TAOK1: variants seen among roughly 807,000 people sequenced by gnomAD.
TAOK1 encodes the protein TAO kinase 1.
TAOK1 carries 21 observed loss-of-function variants against 138.3 expected under a neutral mutation model. The observed-to-expected ratio is 0.15, with a 90% confidence interval of 0.11 to 0.22. The LOEUF (loss-of-function observed/expected upper bound fraction) is 0.22. Ranked by LOEUF, TAOK1 falls within the 10% of genes least tolerant of loss-of-function variation. The pLI, the probability that TAOK1 is intolerant of heterozygous loss-of-function variation, is 1.00. For synonymous variants in TAOK1, 361 were observed against 398.4 expected (o/e 0.91, Z 1.12); for missense variants, 651 against 1,227.7 (o/e 0.53, Z 7.02).
intron 1 of TAOK1, among the ~76,000 whole-genome samples, chr17:29,398,832 G>A (rs530670451): frequency 3.3e-5 from 5 of 151,706 alleles, no homozygotes; most frequent in East Asian, 3.9e-4. Flanking sequence ...CACCACACCC[G>A]TTAATGTGAA....
chr17:29,477,517 A>G (rs1363579021), intron 4 of TAOK1, 144 bp from the exon 5 acceptor site: 2 of 278,736 alleles, frequency 7.2e-6, no homozygotes, highest in Non-Finnish European at 1.3e-5. Context: ...TAATATCTAT[A>G]TAACTATTTT....
At chr17:29,429,164 A>G (rs756796274) in intron 1 of TAOK1, among the ~76,000 whole-genome samples, 2 of 152,146 alleles carry the variant, frequency 1.3e-5, no homozygotes, top group Non-Finnish European at 2.9e-5. Context: ...TGGATTAGAA[A>G]TCAGTTTCAG....
chr17:29,539,798 T>C (rs1269808098), intron 19 of TAOK1, among the ~76,000 whole-genome samples: 3 of 152,086 alleles, frequency 2.0e-5, no homozygotes, highest in Non-Finnish European at 4.4e-5. Flanking sequence ...GAGGATAGCC[T>C]GAGCCTGGGA....
chr17:29,445,515 A>G (rs899660928), intron 1 of TAOK1: 6 of 152,122 alleles, frequency 3.9e-5, no homozygotes, highest in African/African-American at 9.7e-5. Context: ...GTTCCTTTCT[A>G]TTCCTAGTTT....
rs190893367 is a variant in TAOK1 at position 29,456,625 on chromosome 17, A to G, written c.132+4945A>G. 9.7e-4 allele frequency among the ~76,000 whole-genome samples: 147 copies of G among 150,786 alleles called. 13 individuals carry two copies. The highest frequency in any genetic ancestry group is 3.4e-3 in the African/African-American group (136 of 40,096). ...ATACCCAGCCAGTAAGTGTAATGCA[A>G]ATATTCCAAAATGTGAAAAAATTTG... On this transcript the variant is annotated intron_variant, in intron 2 of 19. Transcript: ENST00000261716.
intron 1 of TAOK1, among the ~76,000 whole-genome samples, chr17:29,394,191 A>AGTCTTGC (rs1255158227): frequency 1.3e-5 from 1 of 78,674 alleles, no homozygotes; most frequent in Non-Finnish European, 2.3e-5. Context: ...TTTGAGACGG[A>AGTCTTGC]GTCTTGCTCT....
intron 14 of TAOK1, among the ~76,000 whole-genome samples, 172 bp downstream of exon 14, chr17:29,508,304 A>G (rs1416913163): frequency 6.6e-6 from 1 of 152,222 alleles, no homozygotes; most frequent in African/African-American, 2.4e-5. Flanking sequence ...ATATTACAAG[A>G]AAGGGTGGCA....
intron 13 of TAOK1, among the ~76,000 whole-genome samples, chr17:29,505,986 A>G (rs1471374801): frequency 6.6e-6 from 1 of 152,218 alleles, no homozygotes; most frequent in African/African-American, 2.4e-5. Flanking sequence ...AGTATTGGCA[A>G]AAAGGGGAAC....
chr17:29,486,751 T>G (rs2031181644), intron 8 of TAOK1, among the ~76,000 whole-genome samples: 1 of 152,246 alleles, frequency 6.6e-6, no homozygotes, highest in African/African-American at 2.4e-5. Context: ...AGATTTTTAA[T>G]TTAATAGTGA....
At position 29,549,531 on chromosome 17, in the gene TAOK1, T is replaced by C. The variant is rs978245810; in HGVS notation, c.*6509T>C. The C allele has an allele frequency of 6.6e-6, 1 of 152,218 alleles. No homozygotes were observed. Among genetic ancestry groups the C allele is most frequent in the African/African-American group, 2.4e-5 (1 of 41,452 alleles). The allele number at this position is 152,218 out of a possible 1,614,324, so 9.4% of individuals were successfully genotyped here. A position where few individuals can be genotyped will look rare whatever the true frequency, so the allele number is the denominator to read the frequency against. On this transcript the variant is annotated 3_prime_UTR_variant, in exon 20 of 20. Coordinates refer to ENST00000261716, the MANE Select transcript of TAOK1 (RefSeq NM_020791.4). ...TTCTCTCAGTGGCACATTTTGCTTT[T>C]TCTGAGCCCCAAATACATTGCCTGG...
intron 1 of TAOK1, among the ~76,000 whole-genome samples, chr17:29,445,749 C>T (rs1041371580): frequency 6.6e-6 from 1 of 151,980 alleles, no homozygotes; most frequent in South Asian, 2.1e-4. Context: ...ATGTTGATGA[C>T]TTTTGCTTTT....
chr17:29,525,273 C>T (rs577099630), intron 17 of TAOK1, among the ~76,000 whole-genome samples: 9 of 152,034 alleles, frequency 5.9e-5, no homozygotes, highest in East Asian at 5.8e-4. Context: ...CCACCACGCC[C>T]GGCTAATTTT....
chr17:29,522,221 C>CT (rs1422795108), intron 16 of TAOK1, 59 bp from the exon 17 acceptor site: 24 of 1,575,948 alleles, frequency 1.5e-5, no homozygotes, highest in Non-Finnish European at 2.1e-5. Context: ...TTAATTAGGA[C>CT]TTTTTTCTGG....
At chr17:29,422,598 A>G (rs905056537) in intron 1 of TAOK1, among the ~76,000 whole-genome samples, 2 of 152,228 alleles carry the variant, frequency 1.3e-5, no homozygotes, top group Non-Finnish European at 2.9e-5. Context: ...ATTAACTGGT[A>G]AAATTACTTA....
At chr17:29,525,475 T>TGG (rs79610227) in intron 17 of TAOK1, among the ~76,000 whole-genome samples, 59,788 of 150,466 alleles carry the variant, frequency 0.4, 12,660 homozygotes, top group Non-Finnish European at 0.48. Flanking sequence ...GGCATGATCT[T>TGG]CTCACTGCAA....
chr17:29,515,172 T>C (rs1353114707), intron 15 of TAOK1, among the ~76,000 whole-genome samples: 1 of 152,158 alleles, frequency 6.6e-6, no homozygotes, highest in African/African-American at 2.4e-5. Context: ...TGCTGAAAAT[T>C]AAATACCATT....
At chr17:29,415,905 A>G (rs1013435393) in intron 1 of TAOK1, among the ~76,000 whole-genome samples, 2 of 152,222 alleles carry the variant, frequency 1.3e-5, no homozygotes, top group East Asian at 1.9e-4. Flanking sequence ...TCTTGCTTCA[A>G]ATATTCGCAT....
intron 13 of TAOK1, among the ~76,000 whole-genome samples, 158 bp from the exon 14 acceptor site, chr17:29,507,738 A>G (rs1239716908): frequency 6.6e-6 from 1 of 152,136 alleles, no homozygotes; most frequent in Non-Finnish European, 1.5e-5. Flanking sequence ...AGAACCAGTC[A>G]ATTTCTTTAA....
chr17:29,467,474 G>A (rs1269174249), intron 3 of TAOK1, among the ~76,000 whole-genome samples: 2 of 152,046 alleles, frequency 1.3e-5, no homozygotes, highest in African/African-American at 4.8e-5. Flanking sequence ...GGGTTTCACC[G>A]TGTTAGCCAG....
Sources: gnomAD v4.1 joint callset for allele counts (sites outside exome capture counted in the v4.1 genomes callset) on GRCh38, gnomAD v4.1.1 for gene constraint, MANE v1.5 for transcripts, NCBI Gene and HGNC (gene_info 2026-07-23, HGNC 2026-07-21) for gene names.